The following PRDM5 variants were observed in gnomAD, a reference collection of about 807,000 sequenced individuals.
The protein encoded by PRDM5 is PR domain zinc finger protein 5.
In PRDM5, 56 loss-of-function variants were observed where a neutral mutation model predicts 81.2. The observed-to-expected ratio is 0.69, with a 90% CI of 0.56 to 0.86. The LOEUF (loss-of-function observed/expected upper bound fraction) is 0.86. Among genes scored for constraint, PRDM5 ranks in the 40% least tolerant of loss-of-function variants. The probability of loss-of-function intolerance (pLI) is 0.00; values close to 1 mark genes in which losing one functional copy is unlikely to be tolerated. For synonymous variants in PRDM5, 267 were observed against 256.4 expected (o/e 1.04, Z -0.39); for missense variants, 697 against 770.1 (o/e 0.91, Z 1.12).
intron 4 of PRDM5, among the ~76,000 whole-genome samples, chr4:120,818,816 T>C (rs1754887743): frequency 6.6e-6 from 1 of 152,198 alleles, no homozygotes; most frequent in Non-Finnish European, 1.5e-5. Context: ...GATCAAAATG[T>C]TAAATTAGAA....
intron 15 of PRDM5, among the ~76,000 whole-genome samples, chr4:120,703,404 G>T (rs189438903): frequency 6.6e-6 from 1 of 152,054 alleles, no homozygotes; most frequent in African/African-American, 2.4e-5. Context: ...TGCCCAGATT[G>T]GTCTTGAACT....
chr4:120,837,952 A>G (rs1035546092), intron 3 of PRDM5: 2 of 152,268 alleles, frequency 1.3e-5, no homozygotes, highest in Admixed American at 6.5e-5. Context: ...ACTGAGGTGA[A>G]TTAAATAATA....
chr4:120,806,446 C>A (rs890696880), intron 8 of PRDM5, among the ~76,000 whole-genome samples: 1 of 152,178 alleles, frequency 6.6e-6, no homozygotes, highest in Non-Finnish European at 1.5e-5. Flanking sequence ...TGACTTCAAA[C>A]TATACTACAA....
chr4:120,827,787 C>T (rs1756195159), intron 3 of PRDM5, among the ~76,000 whole-genome samples: 1 of 152,044 alleles, frequency 6.6e-6, no homozygotes, highest in African/African-American at 2.4e-5. Context: ...AGAAGCCAGC[C>T]AGATGGTAGG....
chr4:120,823,226 GATA>G (rs1755520972), intron 3 of PRDM5, among the ~76,000 whole-genome samples: 2 of 152,150 alleles, frequency 1.3e-5, no homozygotes, highest in African/African-American at 2.4e-5. Context: ...ACCAAGGAAA[GATA>G]ATAATTTTTA....
intron 1 of PRDM5, among the ~76,000 whole-genome samples, chr4:120,915,598 G>A (rs931424962): frequency 1.3e-5 from 2 of 152,162 alleles, no homozygotes; most frequent in African/African-American, 4.8e-5. Flanking sequence ...TTTAGCTACT[G>A]AAGAAAAGCA....
chr4:120,824,631 T>C (rs1353971288), intron 3 of PRDM5, among the ~76,000 whole-genome samples: 3 of 152,210 alleles, frequency 2.0e-5, no homozygotes, highest in Non-Finnish European at 4.4e-5. Flanking sequence ...TTTTGTCTTT[T>C]TTTAGTCTCA....
At chr4:120,690,360 A>G (rs535396742), downstream of PRDM5, among the ~76,000 whole-genome samples, 25 of 152,276 alleles carry the variant, frequency 1.6e-4, no homozygotes, top group African/African-American at 5.8e-4. Flanking sequence ...GGCCTCCAAT[A>G]CAAGCTCAGG....
intron 2 of PRDM5, among the ~76,000 whole-genome samples, chr4:120,863,296 C>T (rs896428207): frequency 6.6e-6 from 1 of 151,050 alleles, no homozygotes; most frequent in African/African-American, 2.4e-5. Flanking sequence ...GAAGACTGCA[C>T]ACAGGTTCCT....
chr4:120,867,512 C>A (rs951804035), intron 2 of PRDM5, among the ~76,000 whole-genome samples: 5 of 152,026 alleles, frequency 3.3e-5, no homozygotes, highest in Non-Finnish European at 7.4e-5. Flanking sequence ...AAACTTGTAT[C>A]AAGAATTTAA....
intron 14 of PRDM5, among the ~76,000 whole-genome samples, chr4:120,730,959 C>T (rs1740160477): frequency 6.6e-6 from 1 of 152,148 alleles, no homozygotes; most frequent in Non-Finnish European, 1.5e-5. Flanking sequence ...TCTGACACCA[C>T]TCTGCCCAGG....
At chr4:120,698,654 A>G (rs1198490166) in intron 15 of PRDM5, among the ~76,000 whole-genome samples, 2 of 152,194 alleles carry the variant, frequency 1.3e-5, no homozygotes, top group East Asian at 3.9e-4. Flanking sequence ...TACTATGTCT[A>G]AAACTGAACT....
chr4:120,791,309 T>C (rs1426456103), intron 10 of PRDM5, among the ~76,000 whole-genome samples: 2 of 152,170 alleles, frequency 1.3e-5, no homozygotes, highest in Non-Finnish European at 2.9e-5. Flanking sequence ...TGAACTAACA[T>C]AAACATCCCT....
intron 2 of PRDM5, among the ~76,000 whole-genome samples, chr4:120,898,501 AT>A (rs1764901328): frequency 6.6e-6 from 1 of 152,162 alleles, no homozygotes; most frequent in Non-Finnish European, 1.5e-5. Flanking sequence ...CCTCTTGCCT[AT>A]ACACAGAATC....
intron 15 of PRDM5, among the ~76,000 whole-genome samples, chr4:120,696,074 T>C (rs987259105): frequency 6.6e-6 from 1 of 151,892 alleles, no homozygotes; most frequent in Non-Finnish European, 1.5e-5. Flanking sequence ...CAAAAAATCC[T>C]TGCCCTCTTT....
Position 120,781,268 on chromosome 4 carries a change from T to G in PRDM5, c.1318A>C (p.Thr440Pro). ...TTTAATGTATCCTTCCTCTTAAAGG[T>G]AGCATCGCAGTGATGGCACTTGAAA... ...RTFKCHHCDA[T>P]FKRKDTLNVH... The change falls in exon 12 of 16, where the codon ACC (threonine) becomes CCC (proline). Residue 440 changes from threonine to proline, a missense_variant. By Grantham distance (38) the Thr-to-Pro change is conservative (BLOSUM62 -1). Around this residue, in one of 3 missense-constraint regions of PRDM5, gnomAD observed 577 missense variants for 606.7 expected, o/e 0.95. Coordinates refer to ENST00000264808, the MANE Select transcript of PRDM5 (RefSeq NM_018699.4). The G allele has an allele frequency of 1.9e-6, 3 of 1,613,214 alleles. No homozygotes were observed. The South Asian group carries it at 3.3e-5, about 18-fold the overall frequency.
chr4:120,732,570 A>C (rs900685022), intron 14 of PRDM5, among the ~76,000 whole-genome samples: 3 of 150,888 alleles, frequency 2.0e-5, no homozygotes. Context: ...TGAGGTTGTT[A>C]CCTCAGGACA....
At chr4:120,856,450 G>A (rs1185281197) in intron 2 of PRDM5, among the ~76,000 whole-genome samples, 2 of 152,096 alleles carry the variant, frequency 1.3e-5, no homozygotes, top group Admixed American at 1.3e-4. Flanking sequence ...TTTGCTCTCT[G>A]GGGCCTGCCT....
chr4:120,829,068 C>G (rs1756382090), intron 3 of PRDM5, among the ~76,000 whole-genome samples: 1 of 152,078 alleles, frequency 6.6e-6, no homozygotes, highest in East Asian at 1.9e-4. Flanking sequence ...CTTTCCCTCT[C>G]AGACCTCACC....
Sources: allele counts gnomAD v4.1 joint callset (sites outside exome capture counted in the v4.1 genomes callset), GRCh38; gene constraint gnomAD v4.1.1; regional missense constraint gnomAD v4.1.1; transcripts MANE v1.5; gene names NCBI Gene and HGNC (gene_info 2026-07-23, HGNC 2026-07-21).